DCX: variants seen among roughly 807,000 people sequenced by gnomAD.
DCX encodes neuronal migration protein doublecortin.
In DCX, 4 loss-of-function variants were observed where a neutral mutation model predicts 20.9. The observed-to-expected ratio is 0.19, with a 90% CI of 0.09 to 0.44. The LOEUF (loss-of-function observed/expected upper bound fraction) is 0.44. DCX is among the 20% of genes least tolerant of loss of function. The pLI is 0.99. For synonymous variants in DCX, 103 were observed against 111.4 expected, an observed-to-expected ratio of 0.92 and a Z score of 0.47; for missense variants, 133 against 296.9, an observed-to-expected ratio of 0.45 and a Z score of 4.06.
At chrX:111,349,521 G>A (rs1408592372) in intron 3 of DCX, among the ~76,000 whole-genome samples, 1 of 111,273 alleles carries the variant, frequency 9.0e-6, no homozygotes, top group African/African-American at 3.3e-5. Context: ...GTAGGCATGA[G>A]AGGCATGACC....
chrX:111,299,682 T>C lies in DCX; in HGVS notation c.*2005A>G, dbSNP rs771802792. On this transcript the variant is annotated 3_prime_UTR_variant, in exon 7 of 7. Coordinates refer to ENST00000636035, the MANE Select transcript of DCX (RefSeq NM_001195553.2). ...GAGCTTCTAGAAAGAAATAGGGGCT[T>C]AGTAAAATGGGCTTATTAATGGTTT... 4.7e-4 allele frequency: 52 copies of C among 111,508 alleles called. No individual in the cohort carries two copies. The highest frequency in any genetic ancestry group is 1.6e-3 in the African/African-American group (49 of 30,675). The allele number at this position is 111,508 out of a possible 1,213,427, so 9.2% of individuals were successfully genotyped here. A position where few individuals can be genotyped will look rare whatever the true frequency, so the allele number is the denominator to read the frequency against.
In DCX at chrX:111,293,821, A is replaced by G. The variant is rs748292322; in HGVS notation, c.*7866T>C. ...ATTTTTGGAAAATGACATTACACAC[A>G]TCTTGCAAATGTACACAGAAATGAG... is the stretch of plus-strand genomic sequence containing the variant. On this transcript the variant is annotated 3_prime_UTR_variant, in exon 7 of 7. Coordinates refer to ENST00000636035, the MANE Select transcript of DCX (RefSeq NM_001195553.2). 4 of 113,318 alleles carry G rather than the reference A, an allele frequency of 3.5e-5. 1 individual carries two copies. The South Asian group carries it at 1.4e-3, about 41-fold the overall frequency. The allele number at this position is 113,318 out of a possible 1,213,427, so 9.3% of individuals were successfully genotyped here.
chrX:111,313,615 C>A (rs762916410), intron 5 of DCX, among the ~76,000 whole-genome samples: 51 of 111,839 alleles, frequency 4.6e-4, no homozygotes, highest in Non-Finnish European at 8.6e-4. Context: ...ATCAGAGTTT[C>A]TTTTTAAACA....
At chrX:111,369,973 C>T (rs959564910) in intron 3 of DCX, among the ~76,000 whole-genome samples, 5 of 111,682 alleles carry the variant, frequency 4.5e-5, no homozygotes, top group African/African-American at 1.6e-4. Context: ...CCAGGCACTG[C>T]ACTAGGTATC....
chrX:111,391,811 G>A (rs752821150), intron 3 of DCX, among the ~76,000 whole-genome samples: 2 of 111,974 alleles, frequency 1.8e-5, no homozygotes, highest in Non-Finnish European at 3.8e-5. Context: ...TATCTCATGA[G>A]CTAACATCAC....
At chrX:111,345,813 C>T (rs1267943035) in intron 3 of DCX, among the ~76,000 whole-genome samples, 1 of 112,064 alleles carries the variant, frequency 8.9e-6, no homozygotes, top group Non-Finnish European at 1.9e-5. Context: ...CCTGAGGAAT[C>T]GCCCTACTGC....
intron 3 of DCX, among the ~76,000 whole-genome samples, chrX:111,390,987 T>C (rs1926897083): frequency 1.2e-5 from 1 of 83,965 alleles, no homozygotes; most frequent in Admixed American, 1.5e-4. Context: ...GTCTGGGCAA[T>C]AGTGATATCC....
intron 5 of DCX, among the ~76,000 whole-genome samples, chrX:111,326,277 C>T (rs976768807): frequency 2.7e-5 from 3 of 110,495 alleles, no homozygotes; most frequent in Admixed American, 9.7e-5. Context: ...TAGCTTCCTT[C>T]GGGGGCTCCT....
At position 111,298,768 on chromosome X, in the gene DCX, G is replaced by T. The variant is rs1330895225; in HGVS notation, c.*2919C>A. ...AAGGACACAAAGCAGTCATGCTAAT[G>T]GCTATCCTTTCCAAAACAGTGAAGA... On this transcript the variant is annotated 3_prime_UTR_variant, in exon 7 of 7. Coordinates refer to ENST00000636035, the MANE Select transcript of DCX (RefSeq NM_001195553.2). 1.8e-5 allele frequency: 2 copies of T among 112,243 alleles called. No homozygotes were observed. The highest frequency in any genetic ancestry group is 6.5e-5 in the African/African-American group (2 of 30,773). The allele number at this position is 112,243 out of a possible 1,213,427, so 9.3% of individuals were successfully genotyped here.
At position 111,294,765 on chromosome X, in the gene DCX, A is replaced by G. The variant is rs1243270951; in HGVS notation, c.*6922T>C. ...TTTTCAGAGGTTAAAACGAGTTAAG[A>G]AATGTGATGTACAATACCATGCATT... On this transcript the variant is annotated 3_prime_UTR_variant, in exon 7 of 7. Coordinates refer to ENST00000636035, the MANE Select transcript of DCX (RefSeq NM_001195553.2). The G allele has an allele frequency of 8.9e-6, 1 of 111,974 alleles. No homozygotes were observed. The highest frequency in any genetic ancestry group is 2.8e-4 in the East Asian group (1 of 3,536). The allele number at this position is 111,974 out of a possible 1,213,427, so 9.2% of individuals were successfully genotyped here.
intron 1 of DCX, 174 bp from the exon 2 acceptor site, chrX:111,410,594 G>A: frequency 1.2e-6 from 1 of 837,175 alleles, no homozygotes; most frequent in East Asian, 3.3e-5. Context: ...CCCCTGACCT[G>A]CAGGAATATT....
intron 2 of DCX, among the ~76,000 whole-genome samples, chrX:111,404,685 T>C (rs1928075682): frequency 8.9e-6 from 1 of 111,905 alleles, no homozygotes; most frequent in Non-Finnish European, 1.9e-5. Flanking sequence ...CTCTTTTCCT[T>C]CTCAAACAGG....
intron 3 of DCX, among the ~76,000 whole-genome samples, chrX:111,399,414 A>C (rs1019059191): frequency 8.9e-6 from 1 of 111,736 alleles, no homozygotes; most frequent in Non-Finnish European, 1.9e-5. Context: ...TCTTAATCCC[A>C]GTCTTATGTT....
At chrX:111,334,387 C>T (rs1021408834) in intron 3 of DCX, among the ~76,000 whole-genome samples, 3 of 111,676 alleles carry the variant, frequency 2.7e-5, no homozygotes, top group South Asian at 3.8e-4. Flanking sequence ...TTGACCTCAT[C>T]AAATTGGCCA....
intron 3 of DCX, among the ~76,000 whole-genome samples, chrX:111,348,196 G>A (rs1922997854): frequency 8.9e-6 from 1 of 112,024 alleles, no homozygotes; most frequent in African/African-American, 3.2e-5. Flanking sequence ...GGTACCTAAG[G>A]TATACTGCAA....
intron 5 of DCX, among the ~76,000 whole-genome samples, chrX:111,326,405 GGC>G (rs1304920418): frequency 1.8e-5 from 2 of 111,972 alleles, no homozygotes; most frequent in Non-Finnish European, 3.8e-5. Flanking sequence ...ACACATTAAT[GGC>G]TGAAATGGAA....
At chrX:111,314,422 T>C (rs2095064903) in intron 5 of DCX, among the ~76,000 whole-genome samples, 1 of 111,821 alleles carries the variant, frequency 8.9e-6, no homozygotes, top group Admixed American at 9.5e-5. Context: ...GAGAACAGAC[T>C]TTGAAATCTG....
At chrX:111,310,394 GTATT>G (rs1482927380) in intron 6 of DCX, among the ~76,000 whole-genome samples, 6 of 110,975 alleles carry the variant, frequency 5.4e-5, no homozygotes, top group Non-Finnish European at 1.1e-4. Flanking sequence ...TGTACTATAT[GTATT>G]TATTTGTGTA....
chrX:111,389,254 CT>C lies in DCX; in HGVS notation c.705+11735del, dbSNP rs775652902. Among the ~76,000 whole-genome samples, 256 of 110,951 alleles carry C rather than the reference CT, an allele frequency of 2.3e-3. 1 individual carries two copies. Among genetic ancestry groups the C allele is most frequent in the South Asian group, 0.015 (40 of 2,632 alleles). ...ATTTGACACGGCTGCCCGCACCTGC[CT>C]TTTAATGTTCTCTGGATACATCTTC... On this transcript the variant is annotated intron_variant, in intron 3 of 6. Coordinates refer to ENST00000636035, the MANE Select transcript of DCX (RefSeq NM_001195553.2).
Sources: gnomAD v4.1 joint callset for allele counts (sites outside exome capture counted in the v4.1 genomes callset) on GRCh38, gnomAD v4.1.1 for gene constraint, MANE v1.5 for transcripts, NCBI Gene and HGNC (gene_info 2026-07-23, HGNC 2026-07-21) for gene names.